ADAMTS8: variants seen among roughly 807,000 people sequenced by gnomAD.
The protein encoded by ADAMTS8 is ADAM metallopeptidase with thrombospondin type 1 motif 8.
ADAMTS8 carries 50 observed loss-of-function variants against 64.4 expected under a neutral mutation model. That is an observed-to-expected ratio of 0.78 (90% CI 0.62 to 0.98). The LOEUF (loss-of-function observed/expected upper bound fraction) is 0.98. Ranked by LOEUF, ADAMTS8 falls within the 50% of genes least tolerant of loss-of-function variation. The pLI is 0.00. For missense variants in ADAMTS8, 1,192 were observed against 1,208.2 expected (o/e 0.99, Z 0.20); for synonymous variants, 556 against 533.6 (o/e 1.04, Z -0.58).
intron 8 of ADAMTS8, 101 bp from the exon 9 acceptor site, chr11:130,406,229 G>GA: frequency 1.4e-6 from 2 of 1,399,916 alleles, no homozygotes; most frequent in South Asian, 1.4e-5. Context: ...TGGCAGACAC[G>GA]AAAAAAACAA....
rs1368711113 is a variant in ADAMTS8, at chr11:130,408,556, C to T, written c.2007G>A (p.Val669=). ...GQCVKAGCDH[V]VDSPRKLDKC... ...TGTCCAGCTTCCGAGGCGAGTCCAC[C>T]ACATGGTCACAGCCGGCCTTGACAC... is the stretch of plus-strand genomic sequence containing the variant. Residue 669 remains valine, a synonymous_variant, in exon 8 of 9, where the codon GTG becomes GTA. Transcript: ENST00000257359. 1 of 1,614,214 alleles carries T rather than the reference C, an allele frequency of 6.2e-7. No individual in the cohort carries two copies. Among genetic ancestry groups the T allele is most frequent in the African/African-American group, 1.3e-5 (1 of 75,050 alleles).
chr11:130,421,804 A>G (rs1455921417), intron 1 of ADAMTS8, among the ~76,000 whole-genome samples: 1 of 152,206 alleles, frequency 6.6e-6, no homozygotes, highest in Non-Finnish European at 1.5e-5. Flanking sequence ...CCTGACTGAG[A>G]GTCCTGTGGG....
Position 130,427,703 on chromosome 11 carries a change from GCCT to G in ADAMTS8, c.581_583del (p.Glu194del). 6.3e-7 allele frequency: 1 copy of G among 1,595,672 alleles called. No homozygotes were observed. The highest frequency in any genetic ancestry group is 8.5e-7 in the Non-Finnish European group (1 of 1,172,404). On this transcript the variant is annotated inframe_deletion, in exon 1 of 9. Coordinates refer to ENST00000257359, the MANE Select transcript of ADAMTS8 (RefSeq NM_007037.6). ...CGGTGGCGGCTCGCTAGCGCCTTCT[GCCT>G]CCTCTTCTTGGCTCTCCTCCTCGCT...
chr11:130,411,343 T>C lies in ADAMTS8; in HGVS notation c.1750+74A>G, dbSNP rs913653096. The C allele has an allele frequency of 6.5e-7, 1 of 1,543,578 alleles. No homozygotes were observed. Among genetic ancestry groups the C allele is most frequent in the African/African-American group, 1.4e-5 (1 of 73,330 alleles). Reference sequence around the variant, plus strand: ...CGGGACACCCACTTCACTCCCACTTTACACATCCTCTGGGGATGCGTCATA... The same window carrying C: ...CGGGACACCCACTTCACTCCCACTTCACACATCCTCTGGGGATGCGTCATA... On this transcript the variant is annotated intron_variant, in intron 6 of 8. Coordinates refer to ENST00000257359, the MANE Select transcript of ADAMTS8 (RefSeq NM_007037.6). This position sits in a 1 kb window ranked among gnomAD's most constrained non-coding sequence, Gnocchi z 4.2.
At chr11:130,425,844 G>A (rs1349008802) in intron 1 of ADAMTS8, among the ~76,000 whole-genome samples, 2 of 151,990 alleles carry the variant, frequency 1.3e-5, no homozygotes, top group African/African-American at 4.8e-5. Context: ...CTTGCGATCT[G>A]CCCACCTCGG....
In ADAMTS8 at chr11:130,427,830, A is replaced by G. The variant is rs370056977; in HGVS notation, c.457T>C (p.Trp153Arg). The G allele has an allele frequency of 1.5e-4, 228 of 1,550,872 alleles. No homozygotes were observed. In the African/African-American group the frequency reaches 2.9e-3, roughly 19 times the overall value. Residue 153 changes from tryptophan to arginine, a missense_variant, in exon 1 of 9, where the codon TGG (tryptophan) becomes CGG (arginine). Around this residue, in one of 5 missense-constraint regions of ADAMTS8, gnomAD observed 741 missense variants for 710.6 expected, o/e 1.04. Transcript: ENST00000257359. ...AGGGGGCGGGCTCCGGCGGGACCCC[A>G]GCGCTGCAGGCGGTGCGGCTGAGCC... is the stretch of plus-strand genomic sequence containing the variant. ...SLAQPHRLQRWGPAGARPLPR... is the reference protein window; with the variant it reads ...SLAQPHRLQRRGPAGARPLPR...
At chr11:130,425,582 T>C (rs1862153343) in intron 1 of ADAMTS8, among the ~76,000 whole-genome samples, 1 of 150,904 alleles carries the variant, frequency 6.6e-6, no homozygotes, top group South Asian at 2.1e-4. Flanking sequence ...GCTTCTTACT[T>C]TTTTTGTGTT....
chr11:130,406,307 T>C (rs1861884363), intron 8 of ADAMTS8, among the ~76,000 whole-genome samples, 179 bp from the exon 9 acceptor site: 1 of 152,214 alleles, frequency 6.6e-6, no homozygotes, highest in African/African-American at 2.4e-5. Flanking sequence ...CAGAAATGTC[T>C]GTACATTGGG....
At chr11:130,412,619 A>G (rs1861967136) in intron 5 of ADAMTS8, among the ~76,000 whole-genome samples, 1 of 152,210 alleles carries the variant, frequency 6.6e-6, no homozygotes, top group African/African-American at 2.4e-5. Context: ...ATTTTTTAAA[A>G]GTTATAAAAG....
Position 130,416,277 on chromosome 11 carries a change from C to A in ADAMTS8, c.1150G>T (p.Gly384Trp). 1 of 1,578,070 alleles carries A rather than the reference C, an allele frequency of 6.3e-7. No homozygotes were observed. Among genetic ancestry groups the A allele is most frequent in the East Asian group, 2.3e-5 (1 of 43,020 alleles). ...DDSKPCTRLF[G>W]PMGKHHVMAP... is the part of the protein sequence containing the mutation. ...ATCACGTGGTGCTTGCCCATGGGCC[C>A]GAAGAGCCGTGTGCAGGGCTTGGAG... Residue 384 changes from glycine (G) to tryptophan (W), a missense_variant, in exon 4 of 9, where the codon GGG (glycine) becomes TGG (tryptophan). Transcript: ENST00000257359. The surrounding 1 kb of genome is among the most constrained non-coding windows in gnomAD (Gnocchi z 4.8).
chr11:130,419,851 A>ATT (rs955025263), intron 1 of ADAMTS8, among the ~76,000 whole-genome samples: 4 of 151,814 alleles, frequency 2.6e-5, no homozygotes, highest in African/African-American at 9.7e-5. Flanking sequence ...CCAGCTGAAC[A>ATT]TTTTCCTGTT....
intron 8 of ADAMTS8, among the ~76,000 whole-genome samples, chr11:130,407,965 T>G (rs1861904730): frequency 6.6e-6 from 1 of 152,286 alleles, no homozygotes; most frequent in South Asian, 2.1e-4. Flanking sequence ...GAAAAAAGTG[T>G]CTGGAGTTCT....
Position 130,405,118 on chromosome 11 carries a change from T to G in ADAMTS8, c.*440A>C. 1.0e-6 allele frequency: 1 copy of G among 992,962 alleles called. No homozygotes were observed. Among genetic ancestry groups the G allele is most frequent in the Non-Finnish European group, 1.2e-6 (1 of 834,892 alleles). 61.5% of individuals were successfully genotyped at this position (992,962 alleles called of 1,614,324 possible). ...CAGCTTGGGGTCCAGCTTTGGAGCC[T>G]GCTTTGACATTCACCATTGACTCCC... On this transcript the variant is annotated 3_prime_UTR_variant, in exon 9 of 9. Coordinates refer to ENST00000257359, the MANE Select transcript of ADAMTS8 (RefSeq NM_007037.6).
chr11:130,417,703 C>T (rs1862045806), intron 2 of ADAMTS8, among the ~76,000 whole-genome samples: 1 of 151,496 alleles, frequency 6.6e-6, no homozygotes, highest in Non-Finnish European at 1.5e-5. Flanking sequence ...GCTGGGACTA[C>T]AGCCGCTTGC....
In ADAMTS8 at chr11:130,405,506, C is replaced by T. The variant is rs143425979; in HGVS notation, c.*52G>A. On this transcript the variant is annotated 3_prime_UTR_variant, in exon 9 of 9. Transcript: ENST00000257359. Reference sequence around the variant, plus strand: ...TCACCACAGTGGAGACCCTTGTCTGCACCTCAGTACCGCATGTCCAGGAGC... The same window carrying T: ...TCACCACAGTGGAGACCCTTGTCTGTACCTCAGTACCGCATGTCCAGGAGC... 17 of 1,530,878 alleles carry T rather than the reference C, an allele frequency of 1.1e-5. No individual in the cohort carries two copies. The Admixed American group carries it at 2.5e-4, about 22-fold the overall frequency. The allele number at this position is 1,530,878 out of a possible 1,614,324, so 94.8% of individuals were successfully genotyped here.
chr11:130,426,399 A>G (rs1249069861), intron 1 of ADAMTS8, among the ~76,000 whole-genome samples: 1 of 152,222 alleles, frequency 6.6e-6, no homozygotes, highest in Admixed American at 6.5e-5. Flanking sequence ...GCACAGACTG[A>G]GCCTAGTATT....
chr11:130,421,197 C>T (rs923703129), intron 1 of ADAMTS8, among the ~76,000 whole-genome samples: 30 of 152,196 alleles, frequency 2.0e-4, no homozygotes, highest in African/African-American at 6.0e-4. Context: ...TGTGTGCCCA[C>T]GTTGAGCAGA....
At chr11:130,425,839 G>A (rs540724694) in intron 1 of ADAMTS8, among the ~76,000 whole-genome samples, 1 of 152,142 alleles carries the variant, frequency 6.6e-6, no homozygotes, top group African/African-American at 2.4e-5. Flanking sequence ...CTGAGCTTGC[G>A]ATCTGCCCAC....
rs372672646 is a variant in ADAMTS8 at position 130,410,344 on chromosome 11, C to T, written c.1750+1073G>A. 2.9e-4 allele frequency among the ~76,000 whole-genome samples: 44 copies of T among 152,302 alleles called. 2 individuals are homozygous for T. Among genetic ancestry groups the T allele is most frequent in the African/African-American group, 9.1e-4 (38 of 41,564 alleles). ...TATAGTTCTAGACACACAAAAAATA[C>T]TAAAAAATACTCGACAGTAATGGCA... On this transcript the variant is annotated intron_variant, in intron 6 of 8. Coordinates refer to ENST00000257359, the MANE Select transcript of ADAMTS8 (RefSeq NM_007037.6).
Sources: gnomAD v4.1 joint callset for allele counts (sites outside exome capture counted in the v4.1 genomes callset) on GRCh38, gnomAD v4.1.1 for gene constraint, gnomAD v4.1.1 regional missense constraint, Gnocchi (gnomAD v3.1) non-coding constraint, MANE v1.5 for transcripts, NCBI Gene and HGNC (gene_info 2026-07-23, HGNC 2026-07-21) for gene names.